The following NT5C1B variants were observed in gnomAD, a reference collection of about 807,000 sequenced individuals.
NT5C1B encodes cytosolic 5'-nucleotidase 1B.
Under a neutral mutation model 57.8 loss-of-function variants are expected in NT5C1B, and 44 were observed. The observed-to-expected ratio is 0.76, with a 90% CI of 0.60 to 0.98. NT5C1B has a LOEUF of 0.98. NT5C1B is among the 50% of genes least tolerant of loss of function. NT5C1B has a pLI of 0.00. For missense variants in NT5C1B, 742 were observed against 719.5 expected (o/e 1.03, Z -0.36); for synonymous variants, 284 against 282.6 (o/e 1.00, Z -0.05).
chr2:18,585,356 G>A (rs1233563876), intron 3 of NT5C1B, among the ~76,000 whole-genome samples: 2 of 152,182 alleles, frequency 1.3e-5, no homozygotes, highest in Non-Finnish European at 2.9e-5. Flanking sequence ...CAGAGGGCAT[G>A]CAGAATGGAT....
chr2:18,584,596 T>C lies in NT5C1B; in HGVS notation c.641A>G (p.Asp214Gly), dbSNP rs749992340. The stretch of plus-strand genomic sequence containing the variant: ...GTAGGCAGCCTCGTAGTCGTCCTCG[T>C]CCTCCCGCTGCTGCTGCTGCTGCTC... The change falls in exon 4 of 9, where the codon GAC becomes GGC. Residue 214 changes from aspartate (D) to glycine (G), a missense_variant. Transcript: ENST00000304081. This position sits in a 1 kb window ranked among gnomAD's most constrained non-coding sequence, Gnocchi z 5.8. 1.9e-6 allele frequency: 3 copies of C among 1,612,644 alleles called. No individual in the cohort carries two copies. The highest frequency in any genetic ancestry group is 1.1e-5 in the South Asian group (1 of 90,710).
In NT5C1B at chr2:18,584,760, G is replaced by T. The variant is rs200514864; in HGVS notation, c.477C>A (p.Gly159=). Residue 159 remains glycine (G), a synonymous_variant, in exon 4 of 9, where the codon GGC becomes GGA. Transcript: ENST00000304081. This position sits in a 1 kb window ranked among gnomAD's most constrained non-coding sequence, Gnocchi z 5.8. ...GGGTCTGGCGGATTTCCCGCACGATGCCTTGGGCCCAGGCCTCCGGATTCT... is the reference window on the plus strand; with the variant it reads ...GGGTCTGGCGGATTTCCCGCACGATTCCTTGGGCCCAGGCCTCCGGATTCT... The T allele has an allele frequency of 2.3e-4, 366 of 1,613,650 alleles. No homozygotes were observed. Among genetic ancestry groups the T allele is most frequent in the Middle Eastern group, 6.6e-4 (4 of 6,060 alleles).
intron 7 of NT5C1B, 101 bp downstream of exon 7, chr2:18,576,672 C>G: frequency 6.5e-7 from 1 of 1,532,812 alleles, no homozygotes; most frequent in South Asian, 1.3e-5. Flanking sequence ...AGAAGAATAT[C>G]CAACAAGACC....
At chr2:18,576,867 G>T (rs140315086) in exon 7 of NT5C1B, 6 of 1,613,566 alleles carry the variant, frequency 3.7e-6, no homozygotes, top group Non-Finnish European at 4.2e-6. Context: ...CTTTTCCCCC[G>T]GTCAGACAGA....
intron 7 of NT5C1B, 112 bp from the exon 8 acceptor site, chr2:18,576,480 C>T: frequency 7.2e-7 from 1 of 1,386,444 alleles, no homozygotes; most frequent in Non-Finnish European, 9.6e-7. Flanking sequence ...TAGCTATTAC[C>T]TGATGGCTCA....
chr2:18,571,601 A>G (rs1163286794), intron 8 of NT5C1B, among the ~76,000 whole-genome samples: 2 of 151,196 alleles, frequency 1.3e-5, no homozygotes, highest in East Asian at 3.9e-4. Context: ...AGCTATAAAT[A>G]AAATAAAAAT....
exon 3 of NT5C1B, chr2:18,586,336 C>T (rs773500886): frequency 2.5e-6 from 4 of 1,614,180 alleles, no homozygotes; most frequent in Non-Finnish European, 3.4e-6. Context: ...AGACCATTGA[C>T]TGCGCACAAG....
At chr2:18,571,180 G>A (rs1385967513) in intron 8 of NT5C1B, among the ~76,000 whole-genome samples, 1 of 152,090 alleles carries the variant, frequency 6.6e-6, no homozygotes, top group Non-Finnish European at 1.5e-5. Flanking sequence ...TACTAGCAAG[G>A]TAAAAAGGCA....
chr2:18,567,628 A>T (rs1342682050), intron 8 of NT5C1B, among the ~76,000 whole-genome samples: 2 of 152,236 alleles, frequency 1.3e-5, no homozygotes, highest in African/African-American at 4.8e-5. Context: ...CTGTGGTGCC[A>T]TGAAGATAAC....
intron 7 of NT5C1B, 86 bp from the exon 8 acceptor site, chr2:18,576,454 C>T (rs1279126302): frequency 2.7e-6 from 4 of 1,477,352 alleles, no homozygotes; most frequent in African/African-American, 1.4e-5. Context: ...TTCTCCCAGA[C>T]CTTATGTTTT....
At chr2:18,587,784 G>C (rs756463451) in intron 1 of NT5C1B, among the ~76,000 whole-genome samples, 192 bp from the exon 2 acceptor site, 1 of 152,070 alleles carries the variant, frequency 6.6e-6, no homozygotes, top group African/African-American at 2.4e-5. Flanking sequence ...TTATTAAAAA[G>C]AATTATATAA....
intron 8 of NT5C1B, among the ~76,000 whole-genome samples, chr2:18,574,036 A>G (rs1212357553): frequency 6.6e-6 from 1 of 152,190 alleles, no homozygotes; most frequent in Non-Finnish European, 1.5e-5. Context: ...AAGGCACCCT[A>G]TGGAATGGGA....
chr2:18,586,265 T>C, exon 3 of NT5C1B: 1 of 1,614,118 alleles, frequency 6.2e-7, no homozygotes, highest in Non-Finnish European at 8.5e-7. Flanking sequence ...TTAGCACTGG[T>C]GTTCCTGCTT....
chr2:18,564,215 G>C, intron 8 of NT5C1B, 96 bp from the exon 9 acceptor site: 1 of 1,334,820 alleles, frequency 7.5e-7, no homozygotes, highest in East Asian at 2.4e-5. Context: ...CAATACAAAG[G>C]ATATAATACA....
chr2:18,567,366 A>G (rs34129467), intron 8 of NT5C1B, among the ~76,000 whole-genome samples: 20,117 of 152,216 alleles, frequency 0.13, 1,474 homozygotes, highest in Middle Eastern at 0.23. Context: ...TTGGGAGAAT[A>G]AGAGACTATC....
In NT5C1B at chr2:18,587,379, A is replaced by G. The variant is rs1305108192; in HGVS notation, c.120+124T>C. On this transcript the variant is annotated intron_variant, in intron 2 of 8. Transcript: ENST00000304081. The stretch of plus-strand genomic sequence containing the variant: ...TCCTTAACCTTCTCATGAGGACATT[A>G]GGGACGCCTTAATACAATTCTCAAC... The G allele has an allele frequency of 2.0e-6, 3 of 1,514,658 alleles. No individual in the cohort carries two copies. In the Admixed American group the frequency reaches 6.7e-5, roughly 34 times the overall value. 93.8% of individuals were successfully genotyped at this position (1,514,658 alleles called of 1,614,324 possible).
intron 5 of NT5C1B, 111 bp from the exon 6 acceptor site, chr2:18,583,108 ACT>A: frequency 2.2e-6 from 3 of 1,379,698 alleles, no homozygotes; most frequent in Non-Finnish European, 2.9e-6. Flanking sequence ...AAGAATCTTC[ACT>A]GAGAGATTCT....
At chr2:18,569,915 T>A (rs1445224261) in intron 8 of NT5C1B, among the ~76,000 whole-genome samples, 6 of 152,090 alleles carry the variant, frequency 3.9e-5, no homozygotes, top group Admixed American at 3.9e-4. Flanking sequence ...TCTTTTCAAA[T>A]ACACATGACA....
chr2:18,584,735 G>C lies in NT5C1B; in HGVS notation c.502C>G (p.Arg168Gly). The change falls in exon 4 of 9, where the codon CGG becomes GGG. Residue 168 changes from arginine to glycine, a missense_variant. Coordinates refer to ENST00000304081, the Ensembl canonical transcript of NT5C1B. The surrounding 1 kb of genome is among the most constrained non-coding windows in gnomAD (Gnocchi z 5.8). ...GAATATTCCAGCGGCTGCGAGTCCC[G>C]GGTCTGGCGGATTTCCCGCACGATG... 1 of 1,613,264 alleles carries C rather than the reference G, an allele frequency of 6.2e-7. No individual in the cohort carries two copies. The highest frequency in any genetic ancestry group is 1.1e-5 in the South Asian group (1 of 91,034).
Sources: allele counts gnomAD v4.1 joint callset (sites outside exome capture counted in the v4.1 genomes callset), GRCh38; gene constraint gnomAD v4.1.1; non-coding constraint Gnocchi (gnomAD v3.1); transcripts MANE v1.5; gene names NCBI Gene and HGNC (gene_info 2026-07-23, HGNC 2026-07-21).